Variants in LSG1 observed in about 807,000 individuals in gnomAD.
LSG1 encodes the protein large subunit GTPase 1 homolog.
LSG1 carries 55 observed loss-of-function variants against 82.6 expected under a neutral mutation model. The ratio of observed to expected loss-of-function variants is 0.67; its 90% CI spans 0.54 to 0.83. The LOEUF (loss-of-function observed/expected upper bound fraction) is 0.83, where lower values mean the gene tolerates loss of function less well. Ranked by LOEUF, LSG1 falls within the 40% of genes least tolerant of loss-of-function variation. The probability of loss-of-function intolerance (pLI) is 0.00; values close to 1 mark genes in which losing one functional copy is unlikely to be tolerated. For synonymous variants in LSG1, 272 were observed against 282.5 expected, an observed-to-expected ratio of 0.96 and a Z score of 0.37; for missense variants, 809 against 807.9, an observed-to-expected ratio of 1.00 and a Z score of -0.02.
intron 5 of LSG1, among the ~76,000 whole-genome samples, chr3:194,663,913 A>G (rs1326705055): frequency 6.6e-6 from 1 of 152,178 alleles, no homozygotes; most frequent in East Asian, 1.9e-4. Context: ...GGGGCATTCA[A>G]GTGACTTTGT....
chr3:194,644,079 T>C (rs1284436882), intron 13 of LSG1, among the ~76,000 whole-genome samples: 2 of 152,062 alleles, frequency 1.3e-5, no homozygotes, highest in African/African-American at 4.8e-5. Flanking sequence ...AAATAAGGTT[T>C]CGGCCGGGCG....
intron 6 of LSG1, 35 bp from the exon 7 acceptor site, chr3:194,659,168 C>G (rs1336312935): frequency 6.7e-7 from 1 of 1,497,914 alleles, no homozygotes; most frequent in Non-Finnish European, 9.0e-7. Context: ...AAGACCTCTT[C>G]AAACAAGTAA....
chr3:194,656,261 G>C (rs1448394163), intron 7 of LSG1, among the ~76,000 whole-genome samples: 1 of 148,726 alleles, frequency 6.7e-6, no homozygotes, highest in Non-Finnish European at 1.5e-5. Flanking sequence ...ATCTGACAAA[G>C]GGCTAATATC....
In LSG1 at chr3:194,670,101, C is replaced by A. The variant is rs144607222; in HGVS notation, c.134G>T (p.Trp45Leu). 338 of 1,613,286 alleles carry A rather than the reference C, an allele frequency of 2.1e-4. No homozygotes were observed. The highest frequency in any genetic ancestry group is 2.7e-4 in the Non-Finnish European group (320 of 1,179,840). The change falls in exon 2 of 14, where the codon TGG becomes TTG. Residue 45 changes from tryptophan (W) to leucine (L), a missense_variant. By Grantham distance (61) the Trp-to-Leu change is moderately conservative. Coordinates refer to ENST00000265245, the MANE Select transcript of LSG1 (RefSeq NM_018385.3). The stretch of plus-strand genomic sequence containing the variant: ...CACTGACTGAAGATTAAGACGACCC[C>A]AATCATAGCCATCATTGAGTTCACT... ...HTSELNDGYD[W>L]GRLNLQSVTE...
At chr3:194,663,905 G>C (rs1351569651) in intron 5 of LSG1, among the ~76,000 whole-genome samples, 1 of 152,146 alleles carries the variant, frequency 6.6e-6, no homozygotes, top group Non-Finnish European at 1.5e-5. Flanking sequence ...TGAGGATGGG[G>C]GCATTCAAGT....
chr3:194,649,347 G>C (rs1295859064), intron 10 of LSG1, among the ~76,000 whole-genome samples: 1 of 152,032 alleles, frequency 6.6e-6, no homozygotes, highest in Non-Finnish European at 1.5e-5. Flanking sequence ...CTAACCTAAG[G>C]CTACCTGCAA....
At chr3:194,671,120 A>C (rs991749324) in intron 1 of LSG1, among the ~76,000 whole-genome samples, 16 of 152,228 alleles carry the variant, frequency 1.1e-4, no homozygotes, top group African/African-American at 3.1e-4. Flanking sequence ...TGAATGATGA[A>C]TGAATTTCCT....
intron 12 of LSG1, chr3:194,644,962 C>A: frequency 2.5e-6 from 1 of 393,828 alleles, no homozygotes; most frequent in South Asian, 9.8e-5. Context: ...GCGCCCCAGA[C>A]TAGGATGAAA....
intron 7 of LSG1, among the ~76,000 whole-genome samples, chr3:194,655,892 C>A (rs920457276): frequency 7.9e-5 from 12 of 152,232 alleles, no homozygotes; most frequent in Admixed American, 3.9e-4. Context: ...CAAAAACAAG[C>A]AATGGGGAAA....
At chr3:194,651,530 T>C (rs1169543324) in intron 8 of LSG1, 1 of 326,580 alleles carries the variant, frequency 3.1e-6, no homozygotes, top group Non-Finnish European at 5.7e-6. Flanking sequence ...CTACAGACAG[T>C]GGTTTCCATC....
chr3:194,648,027 C>T (rs1206861367), intron 11 of LSG1, among the ~76,000 whole-genome samples: 3 of 151,828 alleles, frequency 2.0e-5, no homozygotes, highest in Non-Finnish European at 4.4e-5. Context: ...CAGCAGCAAT[C>T]CCTGTAAAGG....
chr3:194,649,254 G>A (rs1718621732), intron 10 of LSG1, among the ~76,000 whole-genome samples: 1 of 152,114 alleles, frequency 6.6e-6, no homozygotes, highest in South Asian at 2.1e-4. Flanking sequence ...AGTTATTCAA[G>A]TACATGCCTC....
At position 194,646,139 on chromosome 3, in the gene LSG1, A is replaced by G. The variant is rs374510993; in HGVS notation, c.1623+25T>C. The G allele has an allele frequency of 5.0e-6, 8 of 1,609,284 alleles. No homozygotes were observed. The African/African-American group carries it at 1.1e-4, about 22-fold the overall frequency. ...TGTGGAAAAGACTTGTGTATTGGAG[A>G]GCATGAGAGGCAGGGTTCACTTACA... is the stretch of plus-strand genomic sequence containing the variant. On this transcript the variant is annotated intron_variant, in intron 12 of 13. Transcript: ENST00000265245.
chr3:194,645,535 G>GACACACACACACACACAGAC (rs1718514130), intron 12 of LSG1: 4 of 34,962 alleles, frequency 1.1e-4, no homozygotes, highest in African/African-American at 2.9e-4. Flanking sequence ...CACACAGACA[G>GACACACACACACACACAGAC]ACACACACAC....
intron 12 of LSG1, among the ~76,000 whole-genome samples, chr3:194,645,658 A>G (rs1233790871): frequency 2.0e-5 from 3 of 151,952 alleles, no homozygotes. Context: ...ATCTCATGAG[A>G]TAGGCCCTGT....
At chr3:194,663,159 G>C (rs900373016) in intron 5 of LSG1, among the ~76,000 whole-genome samples, 1 of 152,208 alleles carries the variant, frequency 6.6e-6, no homozygotes, top group African/African-American at 2.4e-5. Context: ...TTCTGCACTT[G>C]TTACCATTTC....
At chr3:194,654,520 C>T (rs1287567504) in intron 7 of LSG1, among the ~76,000 whole-genome samples, 1 of 152,042 alleles carries the variant, frequency 6.6e-6, no homozygotes, top group African/African-American at 2.4e-5. Context: ...AACAATCAAG[C>T]CTGGCAACTC....
intron 10 of LSG1, among the ~76,000 whole-genome samples, chr3:194,650,044 C>T (rs1253240373): frequency 3.3e-5 from 5 of 152,068 alleles, no homozygotes; most frequent in Non-Finnish European, 5.9e-5. Flanking sequence ...CTCAGCCTCC[C>T]GAGTAGCTGG....
intron 7 of LSG1, among the ~76,000 whole-genome samples, chr3:194,656,983 C>T (rs112097663): frequency 0.13 from 19,367 of 151,602 alleles, 1,545 homozygotes; most frequent in South Asian, 0.27. Context: ...GAACATCACA[C>T]GCCGGGGACT....
Sources: gnomAD v4.1 joint callset for allele counts (sites outside exome capture counted in the v4.1 genomes callset) on GRCh38, gnomAD v4.1.1 for gene constraint, MANE v1.5 for transcripts, NCBI Gene and HGNC (gene_info 2026-07-23, HGNC 2026-07-21) for gene names.